PLPPR1: variants seen among roughly 807,000 people sequenced by gnomAD.
PLPPR1 encodes the protein phospholipid phosphatase-related protein type 1.
Under a neutral mutation model 33.1 loss-of-function variants are expected in PLPPR1, and 10 were observed. The ratio of observed to expected loss-of-function variants is 0.30; its 90% CI spans 0.19 to 0.51. The LOEUF (loss-of-function observed/expected upper bound fraction) is 0.51. Ranked by LOEUF, PLPPR1 falls within the 20% of genes least tolerant of loss-of-function variation. The pLI, the probability that PLPPR1 is intolerant of heterozygous loss-of-function variation, is 0.97. For missense variants in PLPPR1, 304 were observed against 408.1 expected, an observed-to-expected ratio of 0.74 and a Z score of 2.20; for synonymous variants, 151 against 151.0, an observed-to-expected ratio of 1.00 and a Z score of 0.00.
chr9:101,290,941 G>A lies in PLPPR1; in HGVS notation c.385+4705G>A, dbSNP rs558073199. 1.4e-4 allele frequency among the ~76,000 whole-genome samples: 21 copies of A among 152,354 alleles called. No individual in the cohort carries two copies. In the East Asian group the frequency reaches 3.7e-3, roughly 27 times the overall value. On this transcript the variant is annotated intron_variant, in intron 4 of 7. Transcript: ENST00000374874. ...AGTGCCAGACAGTGGGCGCAGGACA[G>A]TGGGTGCAGCGCACCAAGCGCGAGC...
intron 1 of PLPPR1, among the ~76,000 whole-genome samples, chr9:101,099,002 T>G (rs146938443): frequency 1.3e-5 from 2 of 152,136 alleles, no homozygotes; most frequent in African/African-American, 4.8e-5. Context: ...GTTCAAAGCC[T>G]AAAGGCACCA....
At chr9:101,320,875 C>T (rs1169137857) in intron 7 of PLPPR1, among the ~76,000 whole-genome samples, 1 of 152,134 alleles carries the variant, frequency 6.6e-6, no homozygotes, top group Non-Finnish European at 1.5e-5. Flanking sequence ...TAAATGAAGA[C>T]CCATCCAATA....
At chr9:101,058,287 A>G (rs1422095858) in intron 1 of PLPPR1, among the ~76,000 whole-genome samples, 2 of 151,646 alleles carry the variant, frequency 1.3e-5, no homozygotes, top group Non-Finnish European at 2.9e-5. Context: ...TGTGATGATG[A>G]GAACTAACAG....
At chr9:101,084,807 A>G (rs1188009071) in intron 1 of PLPPR1, among the ~76,000 whole-genome samples, 1 of 152,190 alleles carries the variant, frequency 6.6e-6, no homozygotes, top group Admixed American at 6.5e-5. Context: ...AAATTCTTTC[A>G]GGGACAATCA....
chr9:101,248,407 G>A (rs1465820664), intron 2 of PLPPR1, among the ~76,000 whole-genome samples: 2 of 152,026 alleles, frequency 1.3e-5, no homozygotes, highest in African/African-American at 4.8e-5. Flanking sequence ...ATACCGACAA[G>A]GCATGCTCAG....
At chr9:101,230,594 T>C (rs1276932234) in intron 2 of PLPPR1, among the ~76,000 whole-genome samples, 2 of 152,110 alleles carry the variant, frequency 1.3e-5, no homozygotes, top group Admixed American at 6.6e-5. Flanking sequence ...TATCTATGAC[T>C]GAGTAGGCAC....
intron 1 of PLPPR1, among the ~76,000 whole-genome samples, chr9:101,030,212 CAG>C (rs1829927486): frequency 6.6e-6 from 1 of 151,880 alleles, no homozygotes; most frequent in Admixed American, 6.6e-5. Context: ...TTTGAAACAG[CAG>C]AGACTGGGTC....
intron 1 of PLPPR1, among the ~76,000 whole-genome samples, chr9:101,092,132 G>A (rs1830749383): frequency 6.6e-6 from 1 of 152,090 alleles, no homozygotes; most frequent in East Asian, 1.9e-4. Context: ...CCGTACACCT[G>A]TTCCTTCAAA....
intron 2 of PLPPR1, among the ~76,000 whole-genome samples, chr9:101,201,187 C>T (rs910973974): frequency 3.3e-5 from 5 of 152,224 alleles, no homozygotes; most frequent in Non-Finnish European, 5.9e-5. Flanking sequence ...TTCATAAGGA[C>T]CTAAATTCTA....
chr9:101,035,025 C>T (rs73508736), intron 1 of PLPPR1, among the ~76,000 whole-genome samples: 3,098 of 152,210 alleles, frequency 0.02, 110 homozygotes, highest in African/African-American at 0.071. Context: ...AGTTTGCTTG[C>T]GTTTAGCCTA....
At chr9:101,261,295 A>G (rs191448481) in intron 2 of PLPPR1, among the ~76,000 whole-genome samples, 7 of 152,278 alleles carry the variant, frequency 4.6e-5, no homozygotes, top group African/African-American at 1.7e-4. Flanking sequence ...TCCCTGACAG[A>G]AAACCCCATG....
intron 1 of PLPPR1, among the ~76,000 whole-genome samples, chr9:101,057,990 A>G (rs1348656711): frequency 6.6e-6 from 1 of 152,098 alleles, no homozygotes; most frequent in Admixed American, 6.6e-5. Flanking sequence ...ATCTACCTTC[A>G]TGCTCTGCCC....
chr9:101,109,270 G>A (rs74306891), intron 1 of PLPPR1, among the ~76,000 whole-genome samples: 16,554 of 150,966 alleles, frequency 0.11, 1,551 homozygotes, highest in East Asian at 0.34. Context: ...CACCGCGCCC[G>A]ACTGGTCCTC....
intron 1 of PLPPR1, among the ~76,000 whole-genome samples, chr9:101,130,343 CATG>C (rs914039848): frequency 1.3e-5 from 2 of 152,150 alleles, no homozygotes; most frequent in African/African-American, 4.8e-5. Context: ...ACAGAGCTTA[CATG>C]ATCCAAGCTC....
chr9:101,097,668 G>A (rs1185646063), intron 1 of PLPPR1, among the ~76,000 whole-genome samples: 1 of 152,134 alleles, frequency 6.6e-6, no homozygotes, highest in African/African-American at 2.4e-5. Flanking sequence ...TGTGGGAAAT[G>A]CAGCAACGAG....
intron 1 of PLPPR1, among the ~76,000 whole-genome samples, chr9:101,121,692 A>C (rs1831180048): frequency 6.6e-6 from 1 of 152,190 alleles, no homozygotes; most frequent in Non-Finnish European, 1.5e-5. Context: ...TATGGTGCTC[A>C]AAGAAGGCAA....
At chr9:101,095,177 G>A (rs1830801112) in intron 1 of PLPPR1, among the ~76,000 whole-genome samples, 2 of 152,144 alleles carry the variant, frequency 1.3e-5, no homozygotes, top group South Asian at 4.1e-4. Flanking sequence ...CTATCCTCAT[G>A]TGCCTCAGTC....
chr9:101,080,864 G>A (rs1014775170), intron 1 of PLPPR1, among the ~76,000 whole-genome samples: 2 of 152,168 alleles, frequency 1.3e-5, no homozygotes, highest in Admixed American at 6.5e-5. Flanking sequence ...AATGGTAGTA[G>A]ACTAAGGAGG....
intron 7 of PLPPR1, among the ~76,000 whole-genome samples, chr9:101,322,130 A>G (rs1000440365): frequency 1.5e-5 from 2 of 131,118 alleles, no homozygotes; most frequent in Non-Finnish European, 3.1e-5. Flanking sequence ...CCCAAGAGGC[A>G]TGGGTTGCAG....
Sources: gnomAD v4.1 joint callset for allele counts (sites outside exome capture counted in the v4.1 genomes callset) on GRCh38, gnomAD v4.1.1 for gene constraint, MANE v1.5 for transcripts, NCBI Gene and HGNC (gene_info 2026-07-23, HGNC 2026-07-21) for gene names.